Variants in XKR4 observed in about 807,000 individuals in gnomAD.
The protein encoded by XKR4 is XK-related protein 4.
Under a neutral mutation model 53.9 loss-of-function variants are expected in XKR4, and 12 were observed. The observed-to-expected ratio is 0.22, with a 90% CI of 0.14 to 0.36. The LOEUF (loss-of-function observed/expected upper bound fraction) is 0.36. Ranked by LOEUF, XKR4 falls within the 10% of genes least tolerant of loss-of-function variation. XKR4 has a pLI of 1.00. For missense variants in XKR4, 799 were observed against 859.5 expected (o/e 0.93, Z 0.88); for synonymous variants, 354 against 362.4 (o/e 0.98, Z 0.26).
intron 1 of XKR4, among the ~76,000 whole-genome samples, chr8:55,223,735 G>A (rs1817915774): frequency 6.6e-6 from 1 of 152,192 alleles, no homozygotes; most frequent in South Asian, 2.1e-4. Flanking sequence ...TGTTTAGAGT[G>A]AAGGCTAGAT....
chr8:55,331,806 A>G (rs1803387901), intron 1 of XKR4, among the ~76,000 whole-genome samples: 1 of 152,030 alleles, frequency 6.6e-6, no homozygotes, highest in Non-Finnish European at 1.5e-5. Context: ...AATATCTTCT[A>G]TTCTTTCACT....
chr8:55,333,384 C>A (rs1217788196), intron 1 of XKR4, among the ~76,000 whole-genome samples: 1 of 152,140 alleles, frequency 6.6e-6, no homozygotes. Flanking sequence ...GGAAGACCTT[C>A]ATTAATCAGC....
chr8:55,477,161 C>A (rs1339417745), intron 2 of XKR4, among the ~76,000 whole-genome samples: 2 of 152,100 alleles, frequency 1.3e-5, no homozygotes, highest in Admixed American at 1.3e-4. Context: ...CAGACTGACA[C>A]CTCACACAGC....
chr8:55,261,450 C>G (rs1399186270), intron 1 of XKR4, among the ~76,000 whole-genome samples: 1 of 152,134 alleles, frequency 6.6e-6, no homozygotes, highest in Non-Finnish European at 1.5e-5. Flanking sequence ...ATATTATTTT[C>G]TTTTCTTGGG....
chr8:55,218,870 A>G (rs1470670881), intron 1 of XKR4, among the ~76,000 whole-genome samples: 5 of 152,196 alleles, frequency 3.3e-5, no homozygotes, highest in Non-Finnish European at 7.3e-5. Flanking sequence ...AAGAGCTGTT[A>G]GTGTTCTGTA....
At position 55,184,654 on chromosome 8, in the gene XKR4, C is replaced by T. The variant is rs147789682; in HGVS notation, c.806+81360C>T. Among the ~76,000 whole-genome samples the T allele has an allele frequency of 2.0e-3, 308 of 152,256 alleles. 2 individuals carry two copies. The highest frequency in any genetic ancestry group is 0.01 in the Middle Eastern group (3 of 294). On this transcript the variant is annotated intron_variant, in intron 1 of 2. Transcript: ENST00000327381. ...AAACTTCGTATACATCTCTGTGCCA[C>T]GCTGGGTTTCACTGTTAAGTACGTG... is the stretch of plus-strand genomic sequence containing the variant.
chr8:55,516,351 TGAG>T (rs1405345207), intron 2 of XKR4, among the ~76,000 whole-genome samples: 1 of 152,200 alleles, frequency 6.6e-6, no homozygotes, highest in Non-Finnish European at 1.5e-5. Flanking sequence ...GGTGAGAGTG[TGAG>T]GAGAAGATAT....
chr8:55,218,101 A>G (rs1817830379), intron 1 of XKR4, among the ~76,000 whole-genome samples: 1 of 152,218 alleles, frequency 6.6e-6, no homozygotes, highest in Non-Finnish European at 1.5e-5. Context: ...ATGTTATCTC[A>G]TTTACTCTTC....
In XKR4 at chr8:55,421,779, G is replaced by A. The variant is rs115474372; in HGVS notation, c.1006+63902G>A. On this transcript the variant is annotated intron_variant, in intron 2 of 2. Coordinates refer to ENST00000327381, the MANE Select transcript of XKR4 (RefSeq NM_052898.2). The stretch of plus-strand genomic sequence containing the variant: ...TAATTGACATCTGTGTGTATAGTGA[G>A]TAAATACTGATTTCAGTAATTGTAT... Among the ~76,000 whole-genome samples, 961 of 152,328 alleles carry A rather than the reference G, an allele frequency of 6.3e-3. 9 individuals carry two copies. Among genetic ancestry groups the A allele is most frequent in the African/African-American group, 0.022 (914 of 41,580 alleles).
chr8:55,411,242 C>A (rs1804773664), intron 2 of XKR4, among the ~76,000 whole-genome samples: 1 of 152,154 alleles, frequency 6.6e-6, no homozygotes, highest in Admixed American at 6.5e-5. Context: ...GGGCAAGAGA[C>A]CTCATCCCTG....
At chr8:55,443,253 T>C (rs1285910922) in intron 2 of XKR4, among the ~76,000 whole-genome samples, 1 of 151,912 alleles carries the variant, frequency 6.6e-6, no homozygotes, top group Non-Finnish European at 1.5e-5. Flanking sequence ...AATACTGCAA[T>C]GTACAATAAG....
At chr8:55,346,577 TA>T (rs1270900730) in intron 1 of XKR4, among the ~76,000 whole-genome samples, 1 of 152,184 alleles carries the variant, frequency 6.6e-6, no homozygotes, top group East Asian at 1.9e-4. Flanking sequence ...ATCCTGGTAC[TA>T]AAACAAGGTG....
intron 1 of XKR4, among the ~76,000 whole-genome samples, chr8:55,283,361 A>G (rs1818866145): frequency 6.6e-6 from 1 of 152,254 alleles, no homozygotes; most frequent in Non-Finnish European, 1.5e-5. Context: ...CAGCTCCGTC[A>G]CCAGCTGCTC....
intron 1 of XKR4, among the ~76,000 whole-genome samples, chr8:55,279,062 A>G (rs1312098615): frequency 1.3e-5 from 2 of 152,158 alleles, no homozygotes; most frequent in Non-Finnish European, 2.9e-5. Context: ...TCTCTTACCT[A>G]AGTGATTCCA....
chr8:55,466,036 G>T (rs1432306497), intron 2 of XKR4, among the ~76,000 whole-genome samples: 1 of 151,978 alleles, frequency 6.6e-6, no homozygotes, highest in Non-Finnish European at 1.5e-5. Flanking sequence ...TCCACTGTTG[G>T]TGGGACTGTA....
intron 1 of XKR4, among the ~76,000 whole-genome samples, chr8:55,302,774 C>T (rs1585998239): frequency 6.6e-6 from 1 of 152,094 alleles, no homozygotes; most frequent in African/African-American, 2.4e-5. Flanking sequence ...AATGGGAGTT[C>T]ACTCATGATT....
chr8:55,378,564 G>A (rs1048758903), intron 2 of XKR4, among the ~76,000 whole-genome samples: 18 of 152,234 alleles, frequency 1.2e-4, no homozygotes, highest in Admixed American at 2.0e-4. Context: ...GGAATGAGGC[G>A]GAGGGAGGAA....
At chr8:55,351,430 G>T (rs1406560909) in intron 1 of XKR4, among the ~76,000 whole-genome samples, 1 of 152,128 alleles carries the variant, frequency 6.6e-6, no homozygotes. Flanking sequence ...CATTGTACCA[G>T]AAGAGTTCAA....
chr8:55,379,882 C>A (rs1447779626), intron 2 of XKR4, among the ~76,000 whole-genome samples: 1 of 152,244 alleles, frequency 6.6e-6, no homozygotes, highest in Non-Finnish European at 1.5e-5. Context: ...GAACAGATTT[C>A]TCAGCCTTTC....
Sources: allele counts gnomAD v4.1 joint callset (sites outside exome capture counted in the v4.1 genomes callset), GRCh38; gene constraint gnomAD v4.1.1; transcripts MANE v1.5; gene names NCBI Gene and HGNC (gene_info 2026-07-23, HGNC 2026-07-21).